Variants in SPIDR observed in about 807,000 individuals in gnomAD.
SPIDR encodes DNA repair-scaffolding protein.
Under a neutral mutation model 104.6 loss-of-function variants are expected in SPIDR, and 93 were observed. The observed-to-expected ratio is 0.89, with a 90% CI of 0.75 to 1.06. SPIDR has a LOEUF of 1.06. Ranked by LOEUF, SPIDR falls within the 50% of genes least tolerant of loss-of-function variation. The pLI, the probability that SPIDR is intolerant of heterozygous loss-of-function variation, is 0.00. For synonymous variants in SPIDR, 431 were observed against 416.9 expected, an observed-to-expected ratio of 1.03 and a Z score of -0.41; for missense variants, 1,154 against 1,111.2, an observed-to-expected ratio of 1.04 and a Z score of -0.55.
chr8:47,371,136 T>C (rs2057967035), intron 5 of SPIDR, among the ~76,000 whole-genome samples: 1 of 151,832 alleles, frequency 6.6e-6, no homozygotes, highest in South Asian at 2.1e-4. Flanking sequence ...AGGTTTTTTT[T>C]TTTTTTTTTA....
In SPIDR at chr8:47,409,799, C is replaced by T. The variant is rs139916950; in HGVS notation, c.877+1838C>T. On this transcript the variant is annotated intron_variant, in intron 7 of 19. Coordinates refer to ENST00000297423, the MANE Select transcript of SPIDR (RefSeq NM_001080394.4). Reference sequence around the variant, plus strand: ...ATCTCCATCCTTTGGGAGGCCAAGACGGGAGGATCACTTGAGGCCAAGAGT... The same window carrying T: ...ATCTCCATCCTTTGGGAGGCCAAGATGGGAGGATCACTTGAGGCCAAGAGT... 3.3e-3 allele frequency among the ~76,000 whole-genome samples: 507 copies of T among 152,248 alleles called. 1 individual carries two copies. The highest frequency in any genetic ancestry group is 0.012 in the African/African-American group (488 of 41,578).
chr8:47,701,350 T>A (rs1589321875), intron 12 of SPIDR, among the ~76,000 whole-genome samples: 1 of 152,192 alleles, frequency 6.6e-6, no homozygotes, highest in East Asian at 1.9e-4. Flanking sequence ...GAGAATCGCT[T>A]GAACCCATGA....
chr8:47,734,458 C>T (rs2085835129), intron 19 of SPIDR, among the ~76,000 whole-genome samples: 1 of 152,128 alleles, frequency 6.6e-6, no homozygotes, highest in African/African-American at 2.4e-5. Context: ...TCTCTTTGGC[C>T]ATGACACCAT....
intron 11 of SPIDR, among the ~76,000 whole-genome samples, chr8:47,691,598 T>A (rs780331766): frequency 3.3e-5 from 5 of 152,214 alleles, no homozygotes; most frequent in Non-Finnish European, 7.3e-5. Context: ...GAAATTCACA[T>A]GGCCACAGTT....
intron 8 of SPIDR, among the ~76,000 whole-genome samples, chr8:47,548,906 C>T (rs1249538194): frequency 6.6e-6 from 1 of 152,166 alleles, no homozygotes; most frequent in Non-Finnish European, 1.5e-5. Context: ...TCTCCTAATG[C>T]TATCCCTCCC....
intron 5 of SPIDR, among the ~76,000 whole-genome samples, chr8:47,327,356 A>G (rs1440956667): frequency 1.3e-5 from 2 of 151,142 alleles, no homozygotes; most frequent in Non-Finnish European, 1.5e-5. Context: ...TATGACTGGC[A>G]AATGTTTTCT....
chr8:47,671,585 A>AAAATAAGTAAATAAAT (rs2075801916), intron 10 of SPIDR, among the ~76,000 whole-genome samples: 1 of 142,712 alleles, frequency 7.0e-6, no homozygotes, highest in African/African-American at 2.6e-5. Flanking sequence ...ACTCCATCTC[A>AAAATAAGTAAATAAAT]AAATAAATAA....
chr8:47,634,474 T>C lies in SPIDR; in HGVS notation c.1544+35278T>C, dbSNP rs1203139972. 2.0e-5 allele frequency among the ~76,000 whole-genome samples: 3 copies of C among 151,142 alleles called. No homozygotes were observed. In the East Asian group the frequency reaches 5.8e-4, roughly 29 times the overall value. ...TCAAAAAACAAATTAAAAAAAAAAA[T>C]GAAAAAAGAACTTTTCCAAATACAA... On this transcript the variant is annotated intron_variant, in intron 10 of 19. Transcript: ENST00000297423.
chr8:47,675,495 A>G (rs1000687541), intron 11 of SPIDR, among the ~76,000 whole-genome samples: 1 of 152,202 alleles, frequency 6.6e-6, no homozygotes, highest in Non-Finnish European at 1.5e-5. Flanking sequence ...TCTTACCCTT[A>G]TTAAGACTGA....
At chr8:47,621,587 C>T (rs1044602859) in intron 10 of SPIDR, among the ~76,000 whole-genome samples, 2 of 152,226 alleles carry the variant, frequency 1.3e-5, no homozygotes, top group East Asian at 3.9e-4. Context: ...ATCCATTTGG[C>T]CCAGGCCTCT....
intron 8 of SPIDR, among the ~76,000 whole-genome samples, chr8:47,478,850 A>T (rs1330093039): frequency 6.6e-6 from 1 of 152,214 alleles, no homozygotes; most frequent in Non-Finnish European, 1.5e-5. Context: ...ATGTAGGGAA[A>T]TATTCACCAC....
rs782701257 is a variant in SPIDR, at chr8:47,396,364, A to T, written c.526-12A>T. The T allele has an allele frequency of 6.4e-7, 1 of 1,567,742 alleles. No individual in the cohort carries two copies. Among genetic ancestry groups the T allele is most frequent in the African/African-American group, 1.4e-5 (1 of 73,416 alleles). ...TATTTAAAAATATGCCTTTCTTTTA[A>T]TTTTTTTTCAGCCAAGTTCTATAGA... On this transcript the variant is annotated splice_polypyrimidine_tract_variant and intron_variant, in intron 5 of 19. Coordinates refer to ENST00000297423, the MANE Select transcript of SPIDR (RefSeq NM_001080394.4).
chr8:47,627,932 A>G (rs963310761), intron 10 of SPIDR, among the ~76,000 whole-genome samples: 1 of 152,006 alleles, frequency 6.6e-6, no homozygotes, highest in Admixed American at 6.6e-5. Context: ...GCTGCCTGGT[A>G]GTGCACAGGT....
intron 5 of SPIDR, among the ~76,000 whole-genome samples, chr8:47,304,787 G>GT (rs1396334047): frequency 1.3e-5 from 2 of 152,172 alleles, no homozygotes; most frequent in Non-Finnish European, 2.9e-5. Context: ...TGTGAGAATG[G>GT]TATACATTAA....
chr8:47,653,763 A>T (rs1030697436), intron 10 of SPIDR, among the ~76,000 whole-genome samples: 83 of 152,304 alleles, frequency 5.4e-4, no homozygotes, highest in African/African-American at 1.8e-3. Flanking sequence ...ATACGGAATA[A>T]GAAATAAGAT....
At chr8:47,315,354 C>G (rs1554588808) in intron 5 of SPIDR, among the ~76,000 whole-genome samples, 1 of 151,588 alleles carries the variant, frequency 6.6e-6, no homozygotes, top group African/African-American at 2.4e-5. Flanking sequence ...GTTTGAAATC[C>G]TAAAGAGTAT....
chr8:47,361,571 C>T (rs115981276), intron 5 of SPIDR, among the ~76,000 whole-genome samples: 7 of 152,370 alleles, frequency 4.6e-5, no homozygotes, highest in African/African-American at 1.7e-4. Flanking sequence ...CTGACTACAG[C>T]AGCTGGGAAC....
intron 1 of SPIDR, chr8:47,279,215 G>T (rs1056557171): frequency 6.6e-6 from 1 of 152,644 alleles, no homozygotes; most frequent in African/African-American, 2.4e-5. Flanking sequence ...TTTATACCTT[G>T]TGTTGTTTTC....
At chr8:47,659,751 TC>T (rs1305251710) in intron 10 of SPIDR, 1 of 983,154 alleles carries the variant, frequency 1.0e-6, no homozygotes, top group East Asian at 1.1e-4. Flanking sequence ...TATCACTTCA[TC>T]CTCTGATTTC....
Sources: allele counts gnomAD v4.1 joint callset (sites outside exome capture counted in the v4.1 genomes callset), GRCh38; gene constraint gnomAD v4.1.1; transcripts MANE v1.5; gene names NCBI Gene and HGNC (gene_info 2026-07-23, HGNC 2026-07-21).